The following SYT9 variants were observed in gnomAD, a reference collection of about 807,000 sequenced individuals.
SYT9 encodes the protein synaptotagmin 9, also known as synaptotagmin-9.
A neutral mutation model predicts 48.4 loss-of-function variants in SYT9; 22 were observed. The ratio of observed to expected loss-of-function variants is 0.45; its 90% CI spans 0.32 to 0.65. SYT9 has a LOEUF of 0.65. Ranked by LOEUF, SYT9 falls within the 30% of genes least tolerant of loss-of-function variation. The pLI, the probability that SYT9 is intolerant of heterozygous loss-of-function variation, is 0.03. For synonymous variants in SYT9, 265 were observed against 245.0 expected (o/e 1.08, Z -0.76); for missense variants, 577 against 622.0 (o/e 0.93, Z 0.77).
Position 7,307,434 on chromosome 11 carries a change from C to T in SYT9, c.497+4044C>T, listed in dbSNP as rs983538335. Among the ~76,000 whole-genome samples, 11 of 152,114 alleles carry T rather than the reference C, an allele frequency of 7.2e-5. No individual in the cohort carries two copies. In the South Asian group the frequency reaches 2.1e-3, roughly 29 times the overall value. On this transcript the variant is annotated intron_variant, in intron 2 of 6. Transcript: ENST00000318881. ...ACCTATCTCAACTTCCACGAGACCCCGAAATGATATGTAAATGAGTGTTTT... is the reference window on the plus strand; with the variant it reads ...ACCTATCTCAACTTCCACGAGACCCTGAAATGATATGTAAATGAGTGTTTT...
At chr11:7,282,920 A>ACACG (rs920215471) in intron 1 of SYT9, among the ~76,000 whole-genome samples, 16 of 150,556 alleles carry the variant, frequency 1.1e-4, no homozygotes, top group African/African-American at 4.0e-4. Context: ...ACACACACAC[A>ACACG]CACACGCACA....
At chr11:7,353,147 A>G (rs1849949644) in intron 3 of SYT9, among the ~76,000 whole-genome samples, 1 of 152,114 alleles carries the variant, frequency 6.6e-6, no homozygotes, top group African/African-American at 2.4e-5. Context: ...ACCTTTAAAT[A>G]TATTTCCTTT....
intron 3 of SYT9, among the ~76,000 whole-genome samples, chr11:7,393,445 A>C (rs1846678690): frequency 6.6e-6 from 1 of 152,100 alleles, no homozygotes; most frequent in African/African-American, 2.4e-5. Context: ...ATTCTGTGTA[A>C]TAAAGCCTAC....
At chr11:7,282,921 C>T (rs931492062) in intron 1 of SYT9, among the ~76,000 whole-genome samples, 16 of 150,666 alleles carry the variant, frequency 1.1e-4, no homozygotes, top group African/African-American at 4.0e-4. Context: ...CACACACACA[C>T]ACACGCACAC....
At chr11:7,302,916 C>A in intron 1 of SYT9, 123 bp from the exon 2 acceptor site, 2 of 841,100 alleles carry the variant, frequency 2.4e-6, no homozygotes, top group Non-Finnish European at 1.9e-6. Context: ...TGCGCCCCAG[C>A]ATGGCCTTCC....
At chr11:7,301,603 G>C (rs2133934885) in intron 1 of SYT9, among the ~76,000 whole-genome samples, 1 of 152,346 alleles carries the variant, frequency 6.6e-6, no homozygotes, top group Non-Finnish European at 1.5e-5. Flanking sequence ...GTTAGAATAT[G>C]AATCTGTGAA....
chr11:7,387,663 T>G (rs767328065), intron 3 of SYT9, among the ~76,000 whole-genome samples: 1 of 151,982 alleles, frequency 6.6e-6, no homozygotes, highest in Non-Finnish European at 1.5e-5. Context: ...AACATTTCAC[T>G]ATTAAATACA....
At chr11:7,378,749 C>T (rs1423746855) in intron 3 of SYT9, among the ~76,000 whole-genome samples, 1 of 152,160 alleles carries the variant, frequency 6.6e-6, no homozygotes, top group East Asian at 1.9e-4. Flanking sequence ...GCTTAATTCA[C>T]TTGCTGCCAT....
chr11:7,425,671 C>A (rs564082423), intron 6 of SYT9, among the ~76,000 whole-genome samples: 1 of 152,334 alleles, frequency 6.6e-6, no homozygotes, highest in East Asian at 1.9e-4. Flanking sequence ...AGACCCCTGT[C>A]AGTTGGTGGG....
At chr11:7,400,487 A>T (rs1382729529) in intron 3 of SYT9, among the ~76,000 whole-genome samples, 1 of 152,226 alleles carries the variant, frequency 6.6e-6, no homozygotes, top group African/African-American at 2.4e-5. Flanking sequence ...ATGGTGAAAT[A>T]GTCAAACAGT....
At chr11:7,295,705 C>T (rs758381528) in intron 1 of SYT9, among the ~76,000 whole-genome samples, 1 of 152,152 alleles carries the variant, frequency 6.6e-6, no homozygotes, top group Non-Finnish European at 1.5e-5. Flanking sequence ...ACAGCACCCC[C>T]ATTTCTTGGT....
At chr11:7,334,634 C>CGCTGCCACCCATCCCCCCAA (rs1849601796) in intron 3 of SYT9, among the ~76,000 whole-genome samples, 1 of 139,936 alleles carries the variant, frequency 7.1e-6, no homozygotes, top group Middle Eastern at 3.4e-3. Context: ...CCTGCCTCCA[C>CGCTGCCACCCATCCCCCCAA]TCCCTGCCAC....
intron 6 of SYT9, among the ~76,000 whole-genome samples, chr11:7,432,922 A>G (rs1458153808): frequency 6.6e-6 from 1 of 152,012 alleles, no homozygotes; most frequent in African/African-American, 2.4e-5. Flanking sequence ...ATATGGGAAG[A>G]ACATGAGATT....
At chr11:7,355,845 GCA>G (rs749113503) in intron 3 of SYT9, among the ~76,000 whole-genome samples, 79 of 152,310 alleles carry the variant, frequency 5.2e-4, no homozygotes, top group African/African-American at 1.9e-3. Context: ...TGTACTGCTT[GCA>G]TTTCTCATGC....
intron 3 of SYT9, among the ~76,000 whole-genome samples, chr11:7,379,485 A>G (rs1850518680): frequency 6.6e-6 from 1 of 152,044 alleles, no homozygotes; most frequent in African/African-American, 2.4e-5. Flanking sequence ...GCATACTCCA[A>G]ACAGATTGTG....
chr11:7,374,108 T>TGGCACACCAACAGG (rs1251425739), intron 3 of SYT9, among the ~76,000 whole-genome samples: 19 of 152,172 alleles, frequency 1.2e-4, no homozygotes, highest in African/African-American at 3.6e-4. Context: ...TGTGTGATGT[T>TGGCACACCAACAGG]CCCCTCCCTG....
At chr11:7,299,549 A>G (rs1848878710) in intron 1 of SYT9, among the ~76,000 whole-genome samples, 1 of 152,164 alleles carries the variant, frequency 6.6e-6, no homozygotes, top group South Asian at 2.1e-4. Flanking sequence ...TATGCACAAC[A>G]ATCTGTAATG....
intron 3 of SYT9, among the ~76,000 whole-genome samples, chr11:7,350,539 A>G (rs894632192): frequency 6.6e-6 from 1 of 152,090 alleles, no homozygotes; most frequent in Non-Finnish European, 1.5e-5. Flanking sequence ...CCTCTTTCCT[A>G]TGTCTCAGCC....
In SYT9 at chr11:7,313,610, T is replaced by C. The variant is rs755773370; in HGVS notation, c.713T>C (p.Ile238Thr). The C allele has an allele frequency of 1.8e-5, 29 of 1,614,196 alleles. No individual in the cohort carries two copies. Among genetic ancestry groups the C allele is most frequent in the Non-Finnish European group, 2.5e-5 (29 of 1,180,016 alleles). Residue 238 changes from isoleucine (I) to threonine (T), a missense_variant, in exon 3 of 7, where the codon ATA (isoleucine) becomes ACA (threonine). By Grantham distance (89) the Ile-to-Thr change is moderately conservative. Coordinates refer to ENST00000318881, the MANE Select transcript of SYT9 (RefSeq NM_175733.4). ...LKYDCDLEQL[I>T]VKIHKAVNLP... ...TATGACTGTGACTTAGAGCAGCTCA[T>C]AGTGAAGATTCACAAAGCTGTCAAT...
Sources: allele counts gnomAD v4.1 joint callset (sites outside exome capture counted in the v4.1 genomes callset), GRCh38; gene constraint gnomAD v4.1.1; transcripts MANE v1.5; gene names NCBI Gene and HGNC (gene_info 2026-07-23, HGNC 2026-07-21).